SGCD: variants seen among roughly 807,000 people sequenced by gnomAD.
The protein encoded by SGCD is sarcoglycan delta, also known as delta-sarcoglycan.
Under a neutral mutation model 36.6 loss-of-function variants are expected in SGCD, and 18 were observed. The ratio of observed to expected loss-of-function variants is 0.49; its 90% CI spans 0.34 to 0.73. The LOEUF (loss-of-function observed/expected upper bound fraction) is 0.73. Ranked by LOEUF, SGCD falls within the 30% of genes least tolerant of loss-of-function variation. SGCD has a pLI of 0.01. For missense variants in SGCD, 387 were observed against 346.7 expected (o/e 1.12, Z -0.92); for synonymous variants, 133 against 130.6 (o/e 1.02, Z -0.12).
chr5:156,223,094 G>A (rs1764759750), intron 3 of SGCD, among the ~76,000 whole-genome samples: 1 of 152,106 alleles, frequency 6.6e-6, no homozygotes, highest in African/African-American at 2.4e-5. Flanking sequence ...AGAATGTAAA[G>A]GGGAGTCTGT....
rs563666523 is a variant in SGCD at position 156,088,981 on chromosome 5, A to G, written c.-281-28897A>G. ...ATGGGATCCAGTCCATTTTTCAGCCAGTTGTTGATTTGGTCCTTGATTTTT... is the reference window on the plus strand; with the variant it reads ...ATGGGATCCAGTCCATTTTTCAGCCGGTTGTTGATTTGGTCCTTGATTTTT... On this transcript the variant is annotated intron_variant, in intron 1 of 9. Transcript: ENST00000517913. Among the ~76,000 whole-genome samples the G allele has an allele frequency of 5.9e-5, 9 of 152,222 alleles. No individual in the cohort carries two copies. The East Asian group carries it at 1.7e-3, about 29-fold the overall frequency.
intron 1 of SGCD, among the ~76,000 whole-genome samples, chr5:155,896,733 C>T (rs1756271377): frequency 6.6e-6 from 1 of 152,074 alleles, no homozygotes; most frequent in Admixed American, 6.6e-5. Flanking sequence ...TCAAAATGTG[C>T]TCTCTGGCTC....
chr5:156,558,056 T>C (rs1267141816), intron 4 of SGCD, among the ~76,000 whole-genome samples: 1 of 141,788 alleles, frequency 7.1e-6, no homozygotes, highest in Non-Finnish European at 1.5e-5. Context: ...AATGAGTGAA[T>C]TAATAGACTG....
chr5:156,088,946 G>A (rs926188302), intron 1 of SGCD, among the ~76,000 whole-genome samples: 3 of 152,104 alleles, frequency 2.0e-5, no homozygotes, highest in African/African-American at 7.2e-5. Flanking sequence ...TGAGAGGTCA[G>A]CATCTCATCA....
intron 3 of SGCD, among the ~76,000 whole-genome samples, chr5:156,185,695 G>A (rs896106799): frequency 6.0e-5 from 9 of 151,148 alleles, no homozygotes; most frequent in South Asian, 2.1e-4. Context: ...CAGAAACAGC[G>A]TGATTTATTT....
intron 1 of SGCD, among the ~76,000 whole-genome samples, chr5:155,944,016 C>G (rs1757387756): frequency 6.6e-6 from 1 of 152,200 alleles, no homozygotes; most frequent in Non-Finnish European, 1.5e-5. Flanking sequence ...AGAGGGCAGC[C>G]TGCACCATTC....
intron 3 of SGCD, among the ~76,000 whole-genome samples, chr5:156,209,965 A>G (rs750552650): frequency 1.1e-4 from 17 of 152,126 alleles, no homozygotes; most frequent in African/African-American, 2.4e-5. Flanking sequence ...TGCCAGCCCA[A>G]CTTCTGCAAA....
intron 1 of SGCD, among the ~76,000 whole-genome samples, chr5:155,938,887 A>G (rs1299136877): frequency 6.6e-6 from 1 of 152,202 alleles, no homozygotes; most frequent in Non-Finnish European, 1.5e-5. Flanking sequence ...AATTAATAGG[A>G]GTCAAAGTTG....
intron 1 of SGCD, among the ~76,000 whole-genome samples, chr5:155,881,146 A>T (rs1231470837): frequency 6.6e-6 from 1 of 152,050 alleles, no homozygotes. Flanking sequence ...GCTGATTTTC[A>T]ATCTATCACA....
intron 3 of SGCD, among the ~76,000 whole-genome samples, chr5:156,216,660 T>C (rs183494280): frequency 2.1e-4 from 32 of 152,364 alleles, no homozygotes; most frequent in Admixed American, 2.0e-3. Context: ...TTTTGTAATT[T>C]GTATTCTTCT....
intron 7 of SGCD, among the ~76,000 whole-genome samples, chr5:156,757,078 G>C (rs918562828): frequency 1.1e-4 from 17 of 151,932 alleles, no homozygotes; most frequent in Non-Finnish European, 1.5e-5. Flanking sequence ...GGTAAAGAAA[G>C]ACTTACCCAT....
At chr5:155,969,402 A>T (rs1757965047) in intron 1 of SGCD, among the ~76,000 whole-genome samples, 1 of 152,160 alleles carries the variant, frequency 6.6e-6, no homozygotes, top group South Asian at 2.1e-4. Flanking sequence ...CTGAACATGT[A>T]CACTTTAAGA....
intron 7 of SGCD, among the ~76,000 whole-genome samples, chr5:156,670,766 GA>G (rs1164414084): frequency 6.6e-6 from 1 of 152,122 alleles, no homozygotes; most frequent in Non-Finnish European, 1.5e-5. Context: ...AGATCTCAGG[GA>G]AAACTAGATA....
At chr5:156,644,692 G>T (rs1763162499) in intron 6 of SGCD, among the ~76,000 whole-genome samples, 2 of 151,938 alleles carry the variant, frequency 1.3e-5, no homozygotes, top group Admixed American at 6.6e-5. Flanking sequence ...TTAGATTTGG[G>T]GTTAACAGTT....
rs1389700003 is a variant in SGCD at position 156,517,352 on chromosome 5, G to C, written c.294+8650G>C. 2.0e-5 allele frequency among the ~76,000 whole-genome samples: 3 copies of C among 152,142 alleles called. No homozygotes were observed. In the East Asian group the frequency reaches 5.8e-4, roughly 29 times the overall value. On this transcript the variant is annotated intron_variant, in intron 4 of 8. Coordinates refer to ENST00000337851, the MANE Select transcript of SGCD (RefSeq NM_000337.6). The stretch of plus-strand genomic sequence containing the variant: ...AACTATAGGATTATGTAAAAAGAAT[G>C]AACGTATGAATGATTGAGGTACCTG...
At chr5:156,225,116 T>C (rs548527965) in intron 3 of SGCD, among the ~76,000 whole-genome samples, 2 of 152,220 alleles carry the variant, frequency 1.3e-5, no homozygotes, top group South Asian at 4.1e-4. Context: ...ATCTATTCAT[T>C]CCACTAGCAA....
intron 3 of SGCD, among the ~76,000 whole-genome samples, chr5:156,280,845 A>G (rs749366599): frequency 3.3e-5 from 5 of 152,046 alleles, no homozygotes; most frequent in Admixed American, 6.6e-5. Context: ...TAATGCAGAG[A>G]ATTTTTTAGA....
intron 1 of SGCD, among the ~76,000 whole-genome samples, chr5:155,895,663 C>T (rs1284924002): frequency 4.7e-5 from 7 of 147,514 alleles, no homozygotes; most frequent in Non-Finnish European, 7.5e-5. Context: ...AGTATAATGA[C>T]TGTATGATTT....
chr5:155,844,467 G>T, the SGCD span, among the ~76,000 whole-genome samples: 1 of 143,628 alleles, frequency 7.0e-6, no homozygotes, highest in Middle Eastern at 3.4e-3. Flanking sequence ...TATAAACAAG[G>T]CAGTTTATCA....
Sources: gnomAD v4.1 joint callset for allele counts (sites outside exome capture counted in the v4.1 genomes callset) on GRCh38, gnomAD v4.1.1 for gene constraint, MANE v1.5 for transcripts, NCBI Gene and HGNC (gene_info 2026-07-23, HGNC 2026-07-21) for gene names.